TMEM207: variants seen among roughly 807,000 people sequenced by gnomAD.
TMEM207 encodes the protein transmembrane protein 207, also known as SRSR846.
In TMEM207, 15 loss-of-function variants were observed where a neutral mutation model predicts 17.4. That is an observed-to-expected ratio of 0.86 (90% CI 0.58 to 1.33). The LOEUF (loss-of-function observed/expected upper bound fraction) is 1.33. TMEM207 is among the 40% of genes most tolerant of loss of function. TMEM207 has a pLI of 0.00. For synonymous variants in TMEM207, 70 were observed against 65.6 expected, an observed-to-expected ratio of 1.07 and a Z score of -0.33; for missense variants, 205 against 173.8, an observed-to-expected ratio of 1.18 and a Z score of -1.01.
intron 4 of TMEM207, among the ~76,000 whole-genome samples, chr3:190,432,406 T>C (rs71310863): frequency 0.052 from 7,859 of 152,234 alleles, 325 homozygotes; most frequent in Non-Finnish European, 0.075. Context: ...GTCAGAATGA[T>C]AGTGAACCTT....
At chr3:190,449,217 T>C (rs905093082) in intron 1 of TMEM207, among the ~76,000 whole-genome samples, 1 of 152,164 alleles carries the variant, frequency 6.6e-6, no homozygotes, top group Non-Finnish European at 1.5e-5. Flanking sequence ...TTACTTTAGA[T>C]CTAAATCTTT....
At chr3:190,445,298 T>A (rs1720020692) in intron 2 of TMEM207, among the ~76,000 whole-genome samples, 1 of 152,262 alleles carries the variant, frequency 6.6e-6, no homozygotes, top group Non-Finnish European at 1.5e-5. Flanking sequence ...ATCAGTGTCC[T>A]TGGCTATTTA....
At chr3:190,441,338 T>C in intron 3 of TMEM207, 100 bp downstream of exon 3, 1 of 973,150 alleles carries the variant, frequency 1.0e-6, no homozygotes, top group East Asian at 2.5e-5. Flanking sequence ...CCCTAATCTT[T>C]CCTTAAGCTG....
chr3:190,433,779 G>T (rs531124863), intron 4 of TMEM207, among the ~76,000 whole-genome samples: 4 of 152,114 alleles, frequency 2.6e-5, no homozygotes, highest in African/African-American at 9.6e-5. Context: ...GTAATCCCCA[G>T]TGTTGAAGAC....
intron 4 of TMEM207, among the ~76,000 whole-genome samples, chr3:190,430,206 C>T (rs151204857): frequency 3.0e-4 from 46 of 151,906 alleles, no homozygotes; most frequent in African/African-American, 1.0e-3. Flanking sequence ...ATGTTAAGCT[C>T]GGTGATGAAA....
At chr3:190,443,450 A>C (rs1004075913) in intron 2 of TMEM207, among the ~76,000 whole-genome samples, 2 of 152,086 alleles carry the variant, frequency 1.3e-5, no homozygotes, top group African/African-American at 4.8e-5. Flanking sequence ...TCTGATAAGA[A>C]ATAACATGGC....
chr3:190,442,557 G>T (rs1719957983), intron 2 of TMEM207, among the ~76,000 whole-genome samples: 1 of 152,108 alleles, frequency 6.6e-6, no homozygotes, highest in Admixed American at 6.5e-5. Flanking sequence ...GCCTACAGAT[G>T]ATTTCATTCC....
intron 1 of TMEM207, 54 bp downstream of exon 1, chr3:190,449,681 C>T (rs967819472): frequency 2.6e-6 from 4 of 1,535,788 alleles, no homozygotes; most frequent in Admixed American, 1.7e-5. Flanking sequence ...ATCAAGTCCT[C>T]AGAGTACCTC....
chr3:190,438,243 T>C (rs1385503163), intron 4 of TMEM207, among the ~76,000 whole-genome samples: 2 of 151,696 alleles, frequency 1.3e-5, no homozygotes, highest in Non-Finnish European at 2.9e-5. Flanking sequence ...ACTTAAAGTA[T>C]AATAATAATA....
intron 2 of TMEM207, chr3:190,444,419 C>G (rs1720002086): frequency 1.0e-6 from 1 of 985,068 alleles, no homozygotes; most frequent in African/African-American, 1.8e-5. Flanking sequence ...TAATAGCCAG[C>G]TCTAACCTCA....
intron 4 of TMEM207, among the ~76,000 whole-genome samples, chr3:190,439,115 T>C (rs1404501697): frequency 2.1e-5 from 3 of 142,524 alleles, no homozygotes; most frequent in Non-Finnish European, 4.5e-5. Context: ...AGGGGGAGCT[T>C]GCAGTGAGCG....
intron 4 of TMEM207, among the ~76,000 whole-genome samples, 177 bp from the exon 5 acceptor site, chr3:190,429,908 A>AG (rs5855335): frequency 2.1e-5 from 3 of 143,648 alleles, no homozygotes; most frequent in Non-Finnish European, 4.7e-5. Context: ...TAGTCACCAC[A>AG]GGGGGGAAAA....
At chr3:190,432,418 A>G (rs868729709) in intron 4 of TMEM207, among the ~76,000 whole-genome samples, 1 of 152,164 alleles carries the variant, frequency 6.6e-6, no homozygotes, top group Non-Finnish European at 1.5e-5. Flanking sequence ...GTGAACCTTC[A>G]TAGAGTGGTA....
At chr3:190,441,607 C>T (rs950195639) in intron 2 of TMEM207, 125 bp from the exon 3 acceptor site, 5 of 706,094 alleles carry the variant, frequency 7.1e-6, no homozygotes, top group Non-Finnish European at 9.8e-6. Context: ...ATTCCCATAC[C>T]AGCCCATATC....
chr3:190,442,436 GAGGC>G (rs1172073248), intron 2 of TMEM207, among the ~76,000 whole-genome samples: 1 of 152,166 alleles, frequency 6.6e-6, no homozygotes, highest in Non-Finnish European at 1.5e-5. Flanking sequence ...CTTCCCTGAG[GAGGC>G]AGTGTGTCAT....
chr3:190,430,362 G>C (rs1719666856), intron 4 of TMEM207, among the ~76,000 whole-genome samples: 1 of 151,838 alleles, frequency 6.6e-6, no homozygotes, highest in African/African-American at 2.4e-5. Flanking sequence ...CCACTAACTG[G>C]TAACCTTGAA....
In TMEM207 at chr3:190,449,599, T is replaced by C. The variant is rs867753262; in HGVS notation, c.75+136A>G. 45 of 742,030 alleles carry C rather than the reference T, an allele frequency of 6.1e-5. No individual in the cohort carries two copies. The African/African-American group carries it at 7.4e-4, about 12-fold the overall frequency. The allele number at this position is 742,030 out of a possible 1,614,324, so 46.0% of individuals were successfully genotyped here. On this transcript the variant is annotated intron_variant, in intron 1 of 4. Transcript: ENST00000354905. Reference sequence around the variant, plus strand: ...CCAGTGAATACAAGAAATCATAAGATGCTAGTAAAGCTTGAAGGAAATCTT... The same window carrying C: ...CCAGTGAATACAAGAAATCATAAGACGCTAGTAAAGCTTGAAGGAAATCTT...
At chr3:190,432,866 C>A (rs1297140233) in intron 4 of TMEM207, among the ~76,000 whole-genome samples, 1 of 152,120 alleles carries the variant, frequency 6.6e-6, no homozygotes, top group African/African-American at 2.4e-5. Context: ...TGAAGGGCAG[C>A]ATTATCAAGC....
intron 2 of TMEM207, among the ~76,000 whole-genome samples, chr3:190,445,762 G>A (rs566763202): frequency 1.2e-3 from 184 of 152,298 alleles, no homozygotes; most frequent in Non-Finnish European, 1.2e-3. Context: ...CCCACCTCAG[G>A]TGATCCACCC....
Sources: gnomAD v4.1 joint callset for allele counts (sites outside exome capture counted in the v4.1 genomes callset) on GRCh38, gnomAD v4.1.1 for gene constraint, MANE v1.5 for transcripts, NCBI Gene and HGNC (gene_info 2026-07-23, HGNC 2026-07-21) for gene names.